NEK11: variants seen among roughly 807,000 people sequenced by gnomAD.
NEK11 encodes the protein serine/threonine-protein kinase Nek11.
Under a neutral mutation model 80.7 loss-of-function variants are expected in NEK11, and 72 were observed. The observed-to-expected ratio is 0.89, with a 90% CI of 0.74 to 1.08. The LOEUF (loss-of-function observed/expected upper bound fraction) is 1.08, where lower values mean the gene tolerates loss of function less well. Among genes scored for constraint, NEK11 ranks in the 50% least tolerant of loss-of-function variants. The probability of loss-of-function intolerance (pLI) is 0.00; values close to 1 mark genes in which losing one functional copy is unlikely to be tolerated. For synonymous variants in NEK11, 251 were observed against 260.7 expected (o/e 0.96, Z 0.36); for missense variants, 764 against 763.6 (o/e 1.00, Z -0.01).
chr3:131,169,966 A>G (rs2092568886), intron 13 of NEK11, among the ~76,000 whole-genome samples: 1 of 152,266 alleles, frequency 6.6e-6, no homozygotes, highest in Non-Finnish European at 1.5e-5. Flanking sequence ...TATGCGGTAC[A>G]GAAAACTGAC....
Position 131,087,235 on chromosome 3 carries a change from CTT to C in NEK11, c.336+6669_336+6670del, listed in dbSNP as rs59630167. Among the ~76,000 whole-genome samples the C allele has an allele frequency of 2.3e-3, 188 of 81,218 alleles. 1 individual carries two copies. The highest frequency in any genetic ancestry group is 3.3e-3 in the South Asian group (6 of 1,798). The allele number at this position is 81,218 out of a possible 152,430, so 53.3% of individuals were successfully genotyped here. On this transcript the variant is annotated intron_variant, in intron 4 of 17. Transcript: ENST00000383366. ...GCCAAAAGGAAGAAATATGCAAATT[CTT>C]TTTTTTTTTTTTTTTTTTTTTGAGA...
At chr3:131,242,215 T>C (rs2095530252) in intron 15 of NEK11, among the ~76,000 whole-genome samples, 1 of 152,150 alleles carries the variant, frequency 6.6e-6, no homozygotes, top group Non-Finnish European at 1.5e-5. Flanking sequence ...CAGAATTGAA[T>C]CTTACAAGAT....
chr3:131,062,967 A>G (rs140123276), intron 3 of NEK11, among the ~76,000 whole-genome samples: 1 of 152,366 alleles, frequency 6.6e-6, no homozygotes, highest in African/African-American at 2.4e-5. Context: ...CAGCTGATGA[A>G]GATAATCTCT....
intron 12 of NEK11, among the ~76,000 whole-genome samples, chr3:131,167,801 T>G (rs1033898253): frequency 6.6e-6 from 1 of 152,206 alleles, no homozygotes; most frequent in African/African-American, 2.4e-5. Context: ...CTTCCCATTT[T>G]CATCCCCTTC....
At chr3:131,234,193 T>C (rs2095388083) in intron 15 of NEK11, among the ~76,000 whole-genome samples, 1 of 152,204 alleles carries the variant, frequency 6.6e-6, no homozygotes, top group African/African-American at 2.4e-5. Flanking sequence ...TGCTGAGTTA[T>C]GAAAAGTAAA....
chr3:131,249,892 C>G (rs889459712), intron 16 of NEK11, among the ~76,000 whole-genome samples: 1 of 151,980 alleles, frequency 6.6e-6, no homozygotes, highest in Non-Finnish European at 1.5e-5. Flanking sequence ...CTGAGGAAAT[C>G]TAACCAAAAA....
chr3:131,190,453 G>A (rs2093752047), intron 14 of NEK11, among the ~76,000 whole-genome samples: 1 of 152,140 alleles, frequency 6.6e-6, no homozygotes, highest in African/African-American at 2.4e-5. Context: ...GTTCAGATGA[G>A]ATCTGGTTGT....
intron 17 of NEK11, among the ~76,000 whole-genome samples, chr3:131,326,963 G>A (rs918121966): frequency 5.9e-5 from 9 of 152,080 alleles, no homozygotes; most frequent in Admixed American, 2.0e-4. Context: ...CCTTTTGCCC[G>A]TCTAAGCTTT....
chr3:131,035,644 A>G (rs977725154), intron 3 of NEK11, among the ~76,000 whole-genome samples: 4 of 152,100 alleles, frequency 2.6e-5, no homozygotes, highest in Admixed American at 6.5e-5. Flanking sequence ...TCTATAAACC[A>G]TGATTCCACT....
intron 3 of NEK11, among the ~76,000 whole-genome samples, chr3:131,071,976 G>C (rs1411520720): frequency 6.6e-6 from 1 of 152,110 alleles, no homozygotes; most frequent in African/African-American, 2.4e-5. Flanking sequence ...ATAACCTTAA[G>C]CATTTACAAA....
chr3:131,296,624 C>T (rs1228720295), intron 17 of NEK11, among the ~76,000 whole-genome samples: 1 of 151,998 alleles, frequency 6.6e-6, no homozygotes, highest in African/African-American at 2.4e-5. Flanking sequence ...ATGTATTTCA[C>T]ACGACTTTCA....
intron 14 of NEK11, among the ~76,000 whole-genome samples, chr3:131,211,712 C>T (rs1216590638): frequency 6.6e-6 from 1 of 152,136 alleles, no homozygotes. Context: ...CTTCATTTCA[C>T]TCATTTAATC....
At chr3:131,111,090 C>G (rs2080059239) in intron 5 of NEK11, among the ~76,000 whole-genome samples, 2 of 151,922 alleles carry the variant, frequency 1.3e-5, no homozygotes, top group African/African-American at 4.8e-5. Flanking sequence ...GCAAGAAAAA[C>G]AACTAAAAAA....
intron 14 of NEK11, among the ~76,000 whole-genome samples, chr3:131,178,982 C>T (rs192235975): frequency 4.6e-5 from 7 of 152,252 alleles, no homozygotes; most frequent in East Asian, 1.9e-4. Context: ...CTCTCAAAAA[C>T]TCAGTTGTTG....
intron 14 of NEK11, among the ~76,000 whole-genome samples, chr3:131,193,306 T>C (rs544238685): frequency 9.9e-4 from 151 of 152,290 alleles, no homozygotes; most frequent in Non-Finnish European, 1.8e-3. Flanking sequence ...AACTGTCTAT[T>C]AATGATAGGA....
chr3:131,176,768 C>CA (rs2093041314), intron 14 of NEK11, among the ~76,000 whole-genome samples: 1 of 152,124 alleles, frequency 6.6e-6, no homozygotes. Flanking sequence ...GTCAGGTATT[C>CA]ATGGGGAAAA....
At chr3:131,129,317 G>A (rs1004189628) in intron 5 of NEK11, among the ~76,000 whole-genome samples, 3 of 152,142 alleles carry the variant, frequency 2.0e-5, no homozygotes, top group African/African-American at 7.2e-5. Flanking sequence ...GCCTCCCAAA[G>A]TGCTGGGATT....
intron 17 of NEK11, among the ~76,000 whole-genome samples, chr3:131,294,334 A>C (rs2096572449): frequency 6.6e-6 from 1 of 152,112 alleles, no homozygotes; most frequent in African/African-American, 2.4e-5. Context: ...TGTGTTATTT[A>C]GAAGTGTGTT....
chr3:131,044,440 A>AAG (rs2067035304), intron 3 of NEK11, among the ~76,000 whole-genome samples: 4 of 94,094 alleles, frequency 4.3e-5, no homozygotes, highest in Admixed American at 2.2e-4. Context: ...AAAAAAAAAA[A>AAG]AAAGGTGGGG....
Sources: gnomAD v4.1 joint callset for allele counts (sites outside exome capture counted in the v4.1 genomes callset) on GRCh38, gnomAD v4.1.1 for gene constraint, MANE v1.5 for transcripts, NCBI Gene and HGNC (gene_info 2026-07-23, HGNC 2026-07-21) for gene names.